Variants in SLC9A8 observed in about 807,000 individuals in gnomAD.
SLC9A8 encodes sodium/hydrogen exchanger 8.
In SLC9A8, 48 loss-of-function variants were observed where a neutral mutation model predicts 66.6. That is an observed-to-expected ratio of 0.72 (90% CI 0.57 to 0.92). The LOEUF is 0.92. Among genes scored for constraint, SLC9A8 ranks in the 40% least tolerant of loss-of-function variants. The pLI, the probability that SLC9A8 is intolerant of heterozygous loss-of-function variation, is 0.00. For missense variants in SLC9A8, 599 were observed against 747.3 expected (o/e 0.80, Z 2.31); for synonymous variants, 274 against 282.6 (o/e 0.97, Z 0.31).
chr20:49,862,885 G>A (rs200361027), intron 8 of SLC9A8, 44 bp from the exon 9 acceptor site: 30 of 1,465,108 alleles, frequency 2.0e-5, no homozygotes, highest in East Asian at 2.3e-5. Context: ...AGAACTTTGT[G>A]TATATAACAT....
chr20:49,832,455 A>C (rs145117506), intron 3 of SLC9A8, among the ~76,000 whole-genome samples: 50 of 152,296 alleles, frequency 3.3e-4, no homozygotes, highest in Non-Finnish European at 5.9e-4. Context: ...ATGTTGCATA[A>C]GAACAGGAAG....
chr20:49,824,447 C>G (rs747903483), intron 3 of SLC9A8, among the ~76,000 whole-genome samples: 1 of 152,116 alleles, frequency 6.6e-6, no homozygotes, highest in Non-Finnish European at 1.5e-5. Flanking sequence ...CTGGGACATT[C>G]GGTAAAGGCT....
At chr20:49,830,641 G>T in intron 3 of SLC9A8, 1 of 630,508 alleles carries the variant, frequency 1.6e-6, no homozygotes, top group Non-Finnish European at 2.9e-6. Flanking sequence ...TTAGCAGCTG[G>T]AGACAGGGGC....
Position 49,844,219 on chromosome 20 carries a change from A to G in SLC9A8, c.349-817A>G, listed in dbSNP as rs547359942. On this transcript the variant is annotated intron_variant, in intron 4 of 15. Transcript: ENST00000361573. ...CATCCAGTGTGGACTGTTTTATCAC[A>G]TCAGACTTTGGAAAATGGCAGAGTT... 4.6e-5 allele frequency among the ~76,000 whole-genome samples: 7 copies of G among 152,314 alleles called. No individual in the cohort carries two copies. In the South Asian group the frequency reaches 8.3e-4, roughly 18 times the overall value.
At chr20:49,855,664 A>AT in intron 8 of SLC9A8, 83 bp downstream of exon 8, 11 of 1,342,756 alleles carry the variant, frequency 8.2e-6, no homozygotes, top group South Asian at 1.3e-5. Context: ...ATTTCCACAC[A>AT]GCATGTGTAC....
chr20:49,835,277 T>C (rs529474649), intron 3 of SLC9A8, among the ~76,000 whole-genome samples: 1 of 151,882 alleles, frequency 6.6e-6, no homozygotes, highest in South Asian at 2.1e-4. Context: ...GCAGCACCAC[T>C]GTTAATAGCA....
chr20:49,867,201 C>G lies in SLC9A8; in HGVS notation c.958+2357C>G, dbSNP rs557118772. Among the ~76,000 whole-genome samples the G allele has an allele frequency of 1.3e-3, 193 of 152,294 alleles. 1 individual carries two copies. Among genetic ancestry groups the G allele is most frequent in the African/African-American group, 4.4e-3 (184 of 41,562 alleles). On this transcript the variant is annotated intron_variant, in intron 10 of 15. Transcript: ENST00000361573. ...CATTGTGAAGTTTTATGTTGTTGAG[C>G]ACAAGATTTTATTGTATTCCTTTAC...
chr20:49,817,585 C>T (rs948282879), intron 2 of SLC9A8, among the ~76,000 whole-genome samples: 2 of 151,314 alleles, frequency 1.3e-5, no homozygotes, highest in African/African-American at 2.4e-5. Flanking sequence ...TTGAGGCCAG[C>T]GATTTGAGAC....
chr20:49,844,938 A>T, intron 4 of SLC9A8, 98 bp from the exon 5 acceptor site: 1 of 785,700 alleles, frequency 1.3e-6, no homozygotes. Context: ...CCACTAGGCC[A>T]GGCCCTGAGA....
In SLC9A8 at chr20:49,884,267, C is replaced by CGAG. The variant is rs1181988443; in HGVS notation, c.1491+201_1491+202insGAG. The CGAG allele has an allele frequency of 2.3e-4, 75 of 324,012 alleles. 5 individuals carry two copies. Among genetic ancestry groups the CGAG allele is most frequent in the South Asian group, 4.2e-4 (19 of 44,744 alleles). The allele number at this position is 324,012 out of a possible 1,614,324, so 20.1% of individuals were successfully genotyped here. On this transcript the variant is annotated intron_variant, in intron 14 of 15. Transcript: ENST00000361573. ...GACACACACACACACACGACACACACACACACGACACACACACACACGACA... is the reference window on the plus strand; with the variant it reads ...GACACACACACACACACGACACACACGAGACACACGACACACACACACACGACA...
At chr20:49,860,711 A>G (rs981840920) in intron 8 of SLC9A8, among the ~76,000 whole-genome samples, 6 of 152,292 alleles carry the variant, frequency 3.9e-5, no homozygotes, top group African/African-American at 1.4e-4. Flanking sequence ...ACAGAGCGAG[A>G]CTCCATCTCA....
Position 49,844,335 on chromosome 20 carries a change from AC to A in SLC9A8, c.349-699del, listed in dbSNP as rs538402998. Among the ~76,000 whole-genome samples, 36 of 152,236 alleles carry A rather than the reference AC, an allele frequency of 2.4e-4. No homozygotes were observed. In the East Asian group the frequency reaches 6.6e-3, roughly 28 times the overall value. ...GTGGATTGTTTTAGGGCTTGCCATT[AC>A]CTTTTTCCTGGAGGATTCCAATTTG... On this transcript the variant is annotated intron_variant, in intron 4 of 15. Transcript: ENST00000361573.
intron 3 of SLC9A8, chr20:49,830,934 T>C: frequency 7.2e-6 from 6 of 836,738 alleles, no homozygotes; most frequent in Admixed American, 1.7e-5. Flanking sequence ...CTGAAATACA[T>C]GCAGAAGGAT....
intron 8 of SLC9A8, among the ~76,000 whole-genome samples, chr20:49,860,459 G>A (rs2088684977): frequency 6.6e-6 from 1 of 152,104 alleles, no homozygotes; most frequent in Non-Finnish European, 1.5e-5. Flanking sequence ...GTTCATGTCT[G>A]TAATCCCAGC....
chr20:49,871,546 G>A (rs570112028), intron 10 of SLC9A8, among the ~76,000 whole-genome samples: 29 of 152,144 alleles, frequency 1.9e-4, no homozygotes, highest in Admixed American at 9.8e-4. Context: ...ACCAACCCCC[G>A]CTTTTGTGTT....
intron 5 of SLC9A8, among the ~76,000 whole-genome samples, chr20:49,848,010 C>G (rs1233522637): frequency 6.6e-6 from 1 of 150,638 alleles, no homozygotes; most frequent in African/African-American, 2.4e-5. Flanking sequence ...ACTGCAACCT[C>G]GGCCCCCTGG....
chr20:49,839,713 A>G (rs1275080418), intron 4 of SLC9A8, 114 bp downstream of exon 4: 1 of 537,456 alleles, frequency 1.9e-6, no homozygotes, highest in East Asian at 3.4e-5. Context: ...TATATATCCC[A>G]TTACTTTTTA....
chr20:49,816,642 A>G (rs2146437232), intron 2 of SLC9A8, among the ~76,000 whole-genome samples: 1 of 152,198 alleles, frequency 6.6e-6, no homozygotes, highest in East Asian at 1.9e-4. Flanking sequence ...CAAACAAACA[A>G]ACAGACAAAA....
At chr20:49,860,573 T>C (rs942545107) in intron 8 of SLC9A8, among the ~76,000 whole-genome samples, 2 of 151,818 alleles carry the variant, frequency 1.3e-5, no homozygotes, top group African/African-American at 4.8e-5. Context: ...AAAAAAAAAT[T>C]AGCTGGGCAC....
Sources: gnomAD v4.1 joint callset for allele counts (sites outside exome capture counted in the v4.1 genomes callset) on GRCh38, gnomAD v4.1.1 for gene constraint, MANE v1.5 for transcripts, NCBI Gene and HGNC (gene_info 2026-07-23, HGNC 2026-07-21) for gene names.